TRHDE: variants seen among roughly 807,000 people sequenced by gnomAD.
The protein encoded by TRHDE is thyrotropin releasing hormone degrading enzyme.
In TRHDE, 72 loss-of-function variants were observed where a neutral mutation model predicts 125.7. The observed-to-expected ratio is 0.57, with a 90% CI of 0.47 to 0.70. The LOEUF is 0.70. Among genes scored for constraint, TRHDE ranks in the 30% least tolerant of loss-of-function variants. The pLI is 0.00. For synonymous variants in TRHDE, 509 were observed against 509.1 expected (o/e 1.00, Z 0.00); for missense variants, 1,110 against 1,327.1 (o/e 0.84, Z 2.54).
chr12:72,570,892 G>T (rs1870693394), intron 10 of TRHDE, among the ~76,000 whole-genome samples: 1 of 152,116 alleles, frequency 6.6e-6, no homozygotes, highest in Non-Finnish European at 1.5e-5. Flanking sequence ...TAATGAAAAA[G>T]GACACATTCA....
chr12:72,536,725 T>G (rs1041437118), intron 6 of TRHDE, among the ~76,000 whole-genome samples: 1 of 152,124 alleles, frequency 6.6e-6, no homozygotes, highest in Admixed American at 6.6e-5. Flanking sequence ...TAGCCTTTTG[T>G]TCTTACTGAA....
At chr12:72,596,869 A>G (rs1315992200) in intron 12 of TRHDE, among the ~76,000 whole-genome samples, 1 of 152,252 alleles carries the variant, frequency 6.6e-6, no homozygotes, top group African/African-American at 2.4e-5. Context: ...CATGAAAAAG[A>G]TAAAATGATA....
At chr12:72,146,338 T>TC (rs1876226664) in intron 2 of TRHDE, among the ~76,000 whole-genome samples, 1 of 152,214 alleles carries the variant, frequency 6.6e-6, no homozygotes, top group African/African-American at 2.4e-5. Context: ...TAATCGTTTT[T>TC]CCCCAAGTAT....
At chr12:72,459,536 C>T (rs1262521136) in intron 3 of TRHDE, among the ~76,000 whole-genome samples, 2 of 152,182 alleles carry the variant, frequency 1.3e-5, no homozygotes, top group African/African-American at 2.4e-5. Flanking sequence ...ACCACTGTTT[C>T]GTGAATGCTG....
At chr12:72,530,571 A>C (rs1427778746) in intron 6 of TRHDE, among the ~76,000 whole-genome samples, 1 of 135,174 alleles carries the variant, frequency 7.4e-6, no homozygotes, top group Non-Finnish European at 1.6e-5. Context: ...TGTCTTCTTC[A>C]TCTATTCTTG....
chr12:72,200,604 G>C (rs1038297916), intron 2 of TRHDE, among the ~76,000 whole-genome samples: 1 of 152,154 alleles, frequency 6.6e-6, no homozygotes, highest in Non-Finnish European at 1.5e-5. Context: ...TTTGTGGCTG[G>C]ATTGGGACAT....
At chr12:72,216,536 C>A (rs1877895608) in intron 2 of TRHDE, among the ~76,000 whole-genome samples, 1 of 152,130 alleles carries the variant, frequency 6.6e-6, no homozygotes, top group South Asian at 2.1e-4. Context: ...AGGTTCATGG[C>A]ATTCAGATCA....
chr12:72,264,620 C>T (rs1452037718), intron 2 of TRHDE: 1 of 151,880 alleles, frequency 6.6e-6, no homozygotes, highest in Non-Finnish European at 1.5e-5. Context: ...GTGGTTGCTT[C>T]TCTGAGAAAA....
At chr12:72,566,270 A>G (rs943380597) in intron 9 of TRHDE, among the ~76,000 whole-genome samples, 2 of 152,036 alleles carry the variant, frequency 1.3e-5, no homozygotes, top group African/African-American at 4.8e-5. Context: ...GTGTGCATAC[A>G]CAGAAACACA....
At chr12:72,144,426 GATCGA>G (rs1326613652) in intron 2 of TRHDE, among the ~76,000 whole-genome samples, 1 of 152,212 alleles carries the variant, frequency 6.6e-6, no homozygotes, top group Non-Finnish European at 1.5e-5. Flanking sequence ...TCCAAAGTCT[GATCGA>G]ATTAAAGTCA....
chr12:72,619,120 G>GCCAA, intron 13 of TRHDE, 82 bp downstream of exon 13: 1 of 1,083,198 alleles, frequency 9.2e-7, no homozygotes, highest in Non-Finnish European at 1.2e-6. Flanking sequence ...TGCAACTGAT[G>GCCAA]CCAAGTTATT....
chr12:72,622,447 T>G (rs1371531755), intron 15 of TRHDE, among the ~76,000 whole-genome samples: 1 of 152,118 alleles, frequency 6.6e-6, no homozygotes, highest in East Asian at 1.9e-4. Flanking sequence ...TCAAGGGTAT[T>G]AATGTACCAT....
intron 15 of TRHDE, among the ~76,000 whole-genome samples, chr12:72,627,403 A>G (rs1429347964): frequency 2.6e-5 from 4 of 151,810 alleles, no homozygotes; most frequent in Non-Finnish European, 5.9e-5. Context: ...TATTCAGTTC[A>G]TTGTGAATTT....
rs574375776 is a variant in TRHDE at position 72,492,525 on chromosome 12, A to G, written c.1585-6973A>G. ...CAAAGTTACAGGGATACTATTTCAC[A>G]TGGATTAAAATCTGATGGATATTTT... On this transcript the variant is annotated intron_variant, in intron 5 of 18. Coordinates refer to ENST00000261180, the MANE Select transcript of TRHDE (RefSeq NM_013381.3). Among the ~76,000 whole-genome samples the G allele has an allele frequency of 3.9e-5, 6 of 152,032 alleles. No homozygotes were observed. The East Asian group carries it at 9.6e-4, about 24-fold the overall frequency.
intron 15 of TRHDE, among the ~76,000 whole-genome samples, chr12:72,646,152 T>C (rs968939168): frequency 6.6e-6 from 1 of 151,998 alleles, no homozygotes; most frequent in African/African-American, 2.4e-5. Flanking sequence ...TTAAAATGAG[T>C]ATGACTAAAA....
At chr12:72,663,022 G>T (rs373509815) in intron 18 of TRHDE, 30 bp from the exon 19 acceptor site, 1 of 1,590,470 alleles carries the variant, frequency 6.3e-7, no homozygotes, top group African/African-American at 1.4e-5. Flanking sequence ...AAGACAGGCA[G>T]ATTTACCATT....
At chr12:72,333,093 TG>T (rs1678033639) in intron 2 of TRHDE, among the ~76,000 whole-genome samples, 2 of 152,250 alleles carry the variant, frequency 1.3e-5, no homozygotes, top group South Asian at 2.1e-4. Context: ...CCTTGACTAA[TG>T]GTTGTCAGGT....
intron 7 of TRHDE, among the ~76,000 whole-genome samples, chr12:72,547,895 A>G (rs1565786198): frequency 6.6e-6 from 1 of 151,844 alleles, no homozygotes. Flanking sequence ...CACTTTTTAA[A>G]TATAATATCA....
intron 2 of TRHDE, among the ~76,000 whole-genome samples, chr12:72,302,877 C>G (rs1435222085): frequency 6.6e-6 from 1 of 152,184 alleles, no homozygotes; most frequent in Admixed American, 6.5e-5. Flanking sequence ...TTGTGGGAGT[C>G]TGTCCTGTGC....
Sources: allele counts gnomAD v4.1 joint callset (sites outside exome capture counted in the v4.1 genomes callset), GRCh38; gene constraint gnomAD v4.1.1; transcripts MANE v1.5; gene names NCBI Gene and HGNC (gene_info 2026-07-23, HGNC 2026-07-21).